Variants in EBF2 observed in about 807,000 individuals in gnomAD.
EBF2 encodes the protein EBF transcription factor 2.
A neutral mutation model predicts 72.8 loss-of-function variants in EBF2; 21 were observed. The ratio of observed to expected loss-of-function variants is 0.29; its 90% CI spans 0.20 to 0.42. The LOEUF is 0.42. Ranked by LOEUF, EBF2 falls within the 10% of genes least tolerant of loss-of-function variation. The pLI is 1.00. For missense variants in EBF2, 637 were observed against 731.2 expected, an observed-to-expected ratio of 0.87 and a Z score of 1.49; for synonymous variants, 299 against 274.2, an observed-to-expected ratio of 1.09 and a Z score of -0.89.
At chr8:25,859,897 T>G (rs538846145) in intron 13 of EBF2, among the ~76,000 whole-genome samples, 2 of 151,938 alleles carry the variant, frequency 1.3e-5, no homozygotes, top group African/African-American at 2.4e-5. Context: ...TTGTATTTTT[T>G]GTAGACACAG....
chr8:25,978,079 C>T (rs990085966), intron 6 of EBF2, among the ~76,000 whole-genome samples: 2 of 152,178 alleles, frequency 1.3e-5, no homozygotes, highest in African/African-American at 4.8e-5. Flanking sequence ...CCCCAGAGGC[C>T]ATCAGTAGCT....
chr8:25,858,651 C>CTTTTTT lies in EBF2; in HGVS notation c.1343-153_1343-148dup, dbSNP rs34189731. ...TAGGAAGTGTGCAGTCCATCTTTAG[C>CTTTTTT]TTTTTTTTTTTTTTTTTTTTTTTTT... On this transcript the variant is annotated intron_variant, in intron 13 of 15. Transcript: ENST00000520164. The CTTTTTT allele has an allele frequency of 3.7e-5, 5 of 136,556 alleles. 1 individual carries two copies. The highest frequency in any genetic ancestry group is 1.3e-4 in the African/African-American group (2 of 15,446). The allele number at this position is 136,556 out of a possible 1,614,324, so 8.5% of individuals were successfully genotyped here.
chr8:25,964,602 T>C (rs1804085960), intron 6 of EBF2, among the ~76,000 whole-genome samples: 1 of 152,202 alleles, frequency 6.6e-6, no homozygotes, highest in Non-Finnish European at 1.5e-5. Context: ...GTTTGATATG[T>C]AGGGAAGTAA....
rs369590876 is a variant in EBF2 at position 25,985,863 on chromosome 8, A to G, written c.551+47222T>C. 2.0e-5 allele frequency among the ~76,000 whole-genome samples: 3 copies of G among 151,860 alleles called. No homozygotes were observed. In the East Asian group the frequency reaches 5.8e-4, roughly 30 times the overall value. On this transcript the variant is annotated intron_variant, in intron 6 of 15. Transcript: ENST00000520164. Reference sequence around the variant, plus strand: ...CAAAAAATACAAAAATTAGCTGGGCATGGTAGCATGCGTCTGTAGTCCCAG... The same window carrying G: ...CAAAAAATACAAAAATTAGCTGGGCGTGGTAGCATGCGTCTGTAGTCCCAG...
chr8:25,954,461 CAAAGAGAAAG>C (rs1422268127), intron 6 of EBF2, among the ~76,000 whole-genome samples: 1 of 152,172 alleles, frequency 6.6e-6, no homozygotes, highest in East Asian at 1.9e-4. Context: ...AGCACAGGTC[CAAAGAGAAAG>C]ACCCCCAGAG....
At chr8:25,956,474 T>C (rs1287534209) in intron 6 of EBF2, among the ~76,000 whole-genome samples, 2 of 152,184 alleles carry the variant, frequency 1.3e-5, no homozygotes, top group South Asian at 2.1e-4. Flanking sequence ...TCTTGTTACA[T>C]GGATATATTG....
intron 6 of EBF2, among the ~76,000 whole-genome samples, chr8:25,951,896 T>A (rs1039699934): frequency 6.6e-5 from 10 of 152,226 alleles, no homozygotes; most frequent in African/African-American, 2.2e-4. Context: ...CATTTTTCAT[T>A]AATCATTTAT....
At chr8:26,019,745 TTGTC>T (rs1805176625) in intron 6 of EBF2, among the ~76,000 whole-genome samples, 1 of 152,184 alleles carries the variant, frequency 6.6e-6, no homozygotes. Context: ...TGAGAGCAAC[TTGTC>T]TGTCTCTGTT....
intron 6 of EBF2, among the ~76,000 whole-genome samples, chr8:25,966,781 A>G (rs1255753874): frequency 6.6e-6 from 1 of 152,180 alleles, no homozygotes; most frequent in African/African-American, 2.4e-5. Context: ...CTTTCTCTCC[A>G]AATCCAGATA....
chr8:25,992,223 C>T (rs1464741609), intron 6 of EBF2, among the ~76,000 whole-genome samples: 1 of 149,394 alleles, frequency 6.7e-6, no homozygotes, highest in Non-Finnish European at 1.5e-5. Context: ...GCCTGTAATG[C>T]CAGCTGAAGC....
At chr8:25,918,128 G>T (rs1459390870) in intron 6 of EBF2, among the ~76,000 whole-genome samples, 1 of 152,180 alleles carries the variant, frequency 6.6e-6, no homozygotes, top group East Asian at 1.9e-4. Context: ...ATGCAATGTT[G>T]GAGAAAGTGG....
chr8:26,007,261 G>A lies in EBF2; in HGVS notation c.551+25824C>T, dbSNP rs541829829. On this transcript the variant is annotated intron_variant, in intron 6 of 15. Coordinates refer to ENST00000520164, the MANE Select transcript of EBF2 (RefSeq NM_022659.4). ...TGGTGAGTGGACAGGACGCCAGGCTGTGTGTCCTGCCTTGGGCACTGACTC... is the reference window on the plus strand; with the variant it reads ...TGGTGAGTGGACAGGACGCCAGGCTATGTGTCCTGCCTTGGGCACTGACTC... 5.3e-5 allele frequency among the ~76,000 whole-genome samples: 8 copies of A among 152,286 alleles called. No individual in the cohort carries two copies. The East Asian group carries it at 1.5e-3, about 29-fold the overall frequency.
intron 6 of EBF2, among the ~76,000 whole-genome samples, chr8:25,964,074 ATTAAAAC>A (rs1355706522): frequency 6.6e-6 from 1 of 152,184 alleles, no homozygotes; most frequent in Non-Finnish European, 1.5e-5. Context: ...GATCCTAGCA[ATTAAAAC>A]TTAAAACACA....
At chr8:25,905,796 G>A (rs1264470965) in intron 7 of EBF2, among the ~76,000 whole-genome samples, 5 of 152,106 alleles carry the variant, frequency 3.3e-5, no homozygotes, top group African/African-American at 1.2e-4. Context: ...ACTGGACCCT[G>A]CACTTTTAAA....
chr8:26,009,053 GAC>G (rs1804932604), intron 6 of EBF2, among the ~76,000 whole-genome samples: 1 of 136,288 alleles, frequency 7.3e-6, no homozygotes, highest in Non-Finnish European at 1.5e-5. Flanking sequence ...AGCTTTTGTG[GAC>G]ACATGGAAAA....
intron 5 of EBF2, among the ~76,000 whole-genome samples, chr8:26,037,857 C>T (rs1303618084): frequency 6.6e-6 from 1 of 151,528 alleles, no homozygotes; most frequent in Non-Finnish European, 1.5e-5. Flanking sequence ...TTTGTCTCTG[C>T]TTTGTTCCCC....
At chr8:26,017,805 C>A (rs772278920) in intron 6 of EBF2, among the ~76,000 whole-genome samples, 4 of 152,304 alleles carry the variant, frequency 2.6e-5, no homozygotes, top group East Asian at 1.9e-4. Flanking sequence ...GCCAGCCAAT[C>A]TCTTTTGGCA....
intron 6 of EBF2, among the ~76,000 whole-genome samples, chr8:25,988,136 T>C (rs1343398983): frequency 1.3e-5 from 2 of 152,010 alleles, no homozygotes; most frequent in South Asian, 2.1e-4. Context: ...TTGGGGAGTG[T>C]AGATAGAAGA....
intron 7 of EBF2, among the ~76,000 whole-genome samples, chr8:25,896,007 A>G (rs577386976): frequency 3.3e-5 from 5 of 152,248 alleles, no homozygotes; most frequent in African/African-American, 1.2e-4. Context: ...GTTGAATTAC[A>G]TAAGCCAAAG....
Sources: gnomAD v4.1 joint callset for allele counts (sites outside exome capture counted in the v4.1 genomes callset) on GRCh38, gnomAD v4.1.1 for gene constraint, MANE v1.5 for transcripts, NCBI Gene and HGNC (gene_info 2026-07-23, HGNC 2026-07-21) for gene names.